Variants in VSIG10L observed in about 807,000 individuals in gnomAD.
VSIG10L encodes V-set and immunoglobulin domain containing 10 like, also known as V-set and immunoglobulin domain-containing protein 10-like.
VSIG10L carries 63 observed loss-of-function variants against 67.3 expected under a neutral mutation model. The ratio of observed to expected loss-of-function variants is 0.94; its 90% CI spans 0.76 to 1.15. The LOEUF is 1.15. VSIG10L is among the 50% of genes most tolerant of loss of function. The probability of loss-of-function intolerance (pLI) is 0.00; values close to 1 mark genes in which losing one functional copy is unlikely to be tolerated. For synonymous variants in VSIG10L, 499 were observed against 524.9 expected (o/e 0.95, Z 0.67); for missense variants, 1,050 against 1,177.5 (o/e 0.89, Z 1.58).
At chr19:51,339,910 T>C in intron 4 of VSIG10L, 105 bp downstream of exon 4, 1 of 915,912 alleles carries the variant, frequency 1.1e-6, no homozygotes, top group Non-Finnish European at 1.3e-6. Context: ...CACCCACCGG[T>C]ATGCTGCTCC....
Position 51,342,120 on chromosome 19 carries a change from T to A in VSIG10L, c.5A>T (p.Asp2Val). The change falls in exon 1 of 10, where the codon GAC becomes GTC. Residue 2 changes from aspartate (D) to valine (V), a missense_variant. By Grantham distance (152) the Asp-to-Val change is radical. Around this residue, in one of 3 missense-constraint regions of VSIG10L, gnomAD observed 511 missense variants for 557.9 expected, o/e 0.92. Coordinates refer to ENST00000335624, the MANE Select transcript of VSIG10L (RefSeq NM_001163922.3). This position sits in a 1 kb window ranked among gnomAD's most constrained non-coding sequence, Gnocchi z 4.4. Reference protein sequence around the residue: MDNPQALPLFLL... With the variant: MVNPQALPLFLL... ...GAAGAGTGGCAGAGCCTGTGGGTTG[T>A]CCATGGTGCTGGCCTCACTGAAAGG... 1.3e-6 allele frequency: 2 copies of A among 1,551,512 alleles called. No homozygotes were observed. Among genetic ancestry groups the A allele is most frequent in the South Asian group, 1.2e-5 (1 of 84,058 alleles).
At chr19:51,333,529 C>CA (rs1190779104) in intron 9 of VSIG10L, among the ~76,000 whole-genome samples, 13,901 of 117,176 alleles carry the variant, frequency 0.12, 715 homozygotes, top group Middle Eastern at 0.22. Context: ...ACTCTGTCTC[C>CA]AAAAAAAAAA....
chr19:51,333,020 T>G (rs1985395071), intron 9 of VSIG10L, among the ~76,000 whole-genome samples: 1 of 152,096 alleles, frequency 6.6e-6, no homozygotes, highest in Non-Finnish European at 1.5e-5. Context: ...CGACTAATTT[T>G]AAAATTTTTT....
Position 51,333,921 on chromosome 19 carries a change from T to A in VSIG10L, c.2444A>T (p.His815Leu). ...FRGKTPEKKKHPSTLVPVVTP... is the reference protein window; with the variant it reads ...FRGKTPEKKKLPSTLVPVVTP... ...GACCACGGGGACCAAGGTAGAAGGA[T>A]GCTTCTTTTTCTCAGGAGTCTTTCC... The change falls in exon 9 of 10, where the codon CAT becomes CTT. Residue 815 changes from histidine to leucine, a missense_variant. Physicochemically the swap from His to Leu is moderately conservative, Grantham distance 99. This residue lies in a region of VSIG10L where 529 missense variants were observed against 584.9 expected (regional missense o/e 0.90). Coordinates refer to ENST00000335624, the MANE Select transcript of VSIG10L (RefSeq NM_001163922.3). 3 of 1,551,538 alleles carry A rather than the reference T, an allele frequency of 1.9e-6. No individual in the cohort carries two copies. The highest frequency in any genetic ancestry group is 2.6e-6 in the Non-Finnish European group (3 of 1,146,966).
intron 9 of VSIG10L, among the ~76,000 whole-genome samples, chr19:51,333,425 T>G (rs1176856005): frequency 6.6e-6 from 1 of 151,564 alleles, no homozygotes; most frequent in Non-Finnish European, 1.5e-5. Flanking sequence ...GCTACTCAAG[T>G]GGCTGAGGCA....
At chr19:51,335,167 C>G (rs1255695250) in intron 7 of VSIG10L, among the ~76,000 whole-genome samples, 2 of 152,104 alleles carry the variant, frequency 1.3e-5, no homozygotes, top group African/African-American at 2.4e-5. Flanking sequence ...TCAACGAAGG[C>G]CAGCGTGGGT....
chr19:51,333,254 C>T (rs1023491387), intron 9 of VSIG10L, among the ~76,000 whole-genome samples: 1 of 152,118 alleles, frequency 6.6e-6, no homozygotes, highest in Non-Finnish European at 1.5e-5. Flanking sequence ...AGGGGCTGGG[C>T]GTAGTGGCTC....
rs1985531420 is a variant in VSIG10L at position 51,338,072 on chromosome 19, T to C, written c.1866A>G (p.Pro622=). Residue 622 remains proline (P), a synonymous_variant, in exon 6 of 10, where the codon CCA becomes CCG. Transcript: ENST00000335624. ...SWAREGRPLA[P]GGGSRLRLSQ... ...TGAGCCGCAGGCGACTCCCGCCTCC[T>C]GGAGCCAGGGGCCTCCCTTCCCGGG... 6.4e-7 allele frequency: 1 copy of C among 1,551,486 alleles called. No individual in the cohort carries two copies.
rs781627197 is a variant in VSIG10L at position 51,333,940 on chromosome 19, T to A, written c.2425A>T (p.Thr809Ser). 5.2e-6 allele frequency: 8 copies of A among 1,551,122 alleles called. No individual in the cohort carries two copies. In the South Asian group the frequency reaches 7.1e-5, roughly 14 times the overall value. ...GAAGGATGCTTCTTTTTCTCAGGAG[T>A]CTTTCCTGATTGAGAGGCAGAAGAG... is the stretch of plus-strand genomic sequence containing the variant. ...ICCLCRFRGK[T>S]PEKKKHPSTL... The change falls in exon 9 of 10, where the codon ACT becomes TCT. Residue 809 changes from threonine (T) to serine (S), a missense_variant. Physicochemically the swap from Thr to Ser is moderately conservative, Grantham distance 58. Around this residue, in one of 3 missense-constraint regions of VSIG10L, gnomAD observed 529 missense variants for 584.9 expected, o/e 0.90. Transcript: ENST00000335624.
chr19:51,340,130 C>T lies in VSIG10L; in HGVS notation c.1359G>A (p.Gly453=), dbSNP rs1985590209. 1.5e-6 allele frequency: 2 copies of T among 1,308,808 alleles called. No individual in the cohort carries two copies. The highest frequency in any genetic ancestry group is 3.1e-5 in the African/African-American group (2 of 64,636). The allele number at this position is 1,308,808 out of a possible 1,614,324, so 81.1% of individuals were successfully genotyped here. A position where few individuals can be genotyped will look rare whatever the true frequency, so the allele number is the denominator to read the frequency against. ...CGACCGCGGGCAGCAGGAGGCGCGA[C>T]CCCGCGGGCACCGCGGCCTCGGCCG... ...ADPAEAAVPA[G]SRLLLPAVGP... The change falls in exon 4 of 10, where the codon GGG becomes GGA. Residue 453 remains glycine, a synonymous_variant. Transcript: ENST00000335624. This position sits in a 1 kb window ranked among gnomAD's most constrained non-coding sequence, Gnocchi z 6.3.
rs753753190 is a variant in VSIG10L at position 51,334,289 on chromosome 19, T to A, written c.2321A>T (p.His774Leu). Residue 774 changes from histidine (H) to leucine (L), a missense_variant, in exon 8 of 10, where the codon CAT becomes CTT. Physicochemically the swap from His to Leu is moderately conservative, Grantham distance 99. This residue lies in a region of VSIG10L where 529 missense variants were observed against 584.9 expected (regional missense o/e 0.90). Transcript: ENST00000335624. ...CAGGACGATGCCAGCGATGGCCCCA[T>A]GGCTCAACGTGGGGCCTGGAAGAGA... The part of the protein sequence containing the change: ...RVYRAGPTLS[H>L]GAIAGIVLGS... 1.3e-6 allele frequency: 2 copies of A among 1,551,460 alleles called. No homozygotes were observed. Among genetic ancestry groups the A allele is most frequent in the Non-Finnish European group, 1.7e-6 (2 of 1,146,950 alleles).
rs1393917147 is a variant in VSIG10L, at chr19:51,339,031, T to C, written c.1586A>G (p.Gln529Arg). Residue 529 changes from glutamine (Q) to arginine (R), a missense_variant, in exon 5 of 10, where the codon CAG (glutamine) becomes CGG (arginine). Around this residue, in one of 3 missense-constraint regions of VSIG10L, gnomAD observed 529 missense variants for 584.9 expected, o/e 0.90. Coordinates refer to ENST00000335624, the MANE Select transcript of VSIG10L (RefSeq NM_001163922.3). Reference sequence around the variant, plus strand: ...GGCGCGGATGCCTTCGGGGAGACCCTGGAACTGCAGGGAGGCAGCAGGGGC... The same window carrying C: ...GGCGCGGATGCCTTCGGGGAGACCCCGGAACTGCAGGGAGGCAGCAGGGGC... Reference protein sequence around the residue: ...GGAPAASLQFQGLPEGIRAGP... With the variant: ...GGAPAASLQFRGLPEGIRAGP... The C allele has an allele frequency of 2.2e-6, 3 of 1,380,438 alleles. No individual in the cohort carries two copies. The highest frequency in any genetic ancestry group is 2.8e-6 in the Non-Finnish European group (3 of 1,061,132). The allele number at this position is 1,380,438 out of a possible 1,614,324, so 85.5% of individuals were successfully genotyped here. A position where few individuals can be genotyped will look rare whatever the true frequency, so the allele number is the denominator to read the frequency against.
Position 51,338,339 on chromosome 19 carries a change from A to G in VSIG10L, c.1730-131T>C, listed in dbSNP as rs1411424504. ...TTGGCCACCTGAGAAAGAACTGCCA[A>G]TTTACTCACTCATTAGCTCATTCAT... On this transcript the variant is annotated intron_variant, in intron 5 of 9. Coordinates refer to ENST00000335624, the MANE Select transcript of VSIG10L (RefSeq NM_001163922.3). The G allele has an allele frequency of 6.3e-5, 59 of 936,346 alleles. No individual in the cohort carries two copies. The Admixed American group carries it at 1.4e-3, about 22-fold the overall frequency. The allele number at this position is 936,346 out of a possible 1,614,324, so 58.0% of individuals were successfully genotyped here. A position where few individuals can be genotyped will look rare whatever the true frequency, so the allele number is the denominator to read the frequency against.
In VSIG10L at chr19:51,340,789, G is replaced by C; in HGVS notation, c.896-63C>G. 1 of 1,417,708 alleles carries C rather than the reference G, an allele frequency of 7.1e-7. No homozygotes were observed. Among genetic ancestry groups the C allele is most frequent in the South Asian group, 1.5e-5 (1 of 66,112 alleles). 87.8% of individuals were successfully genotyped at this position (1,417,708 alleles called of 1,614,324 possible). ...CTGGAGCCCATCTTTGGTCCCCTTAGAGGGAACCCCAGCCGCTGCTCCCTC... is the reference window on the plus strand; with the variant it reads ...CTGGAGCCCATCTTTGGTCCCCTTACAGGGAACCCCAGCCGCTGCTCCCTC... On this transcript the variant is annotated intron_variant, in intron 2 of 9. Coordinates refer to ENST00000335624, the MANE Select transcript of VSIG10L (RefSeq NM_001163922.3). This position sits in a 1 kb window ranked among gnomAD's most constrained non-coding sequence, Gnocchi z 6.3.
Position 51,340,359 on chromosome 19 carries a change from T to A in VSIG10L, c.1190-60A>T. On this transcript the variant is annotated intron_variant, in intron 3 of 9. Transcript: ENST00000335624. The surrounding 1 kb of genome is among the most constrained non-coding windows in gnomAD (Gnocchi z 6.3). ...GGGTCACCTGGGACGCCGCTAGGACTCCCGGAGACTGGGTCCCCAGCCCGC... is the reference window on the plus strand; with the variant it reads ...GGGTCACCTGGGACGCCGCTAGGACACCCGGAGACTGGGTCCCCAGCCCGC... 6.8e-7 allele frequency: 1 copy of A among 1,463,522 alleles called. No homozygotes were observed. 90.7% of individuals were successfully genotyped at this position (1,463,522 alleles called of 1,614,324 possible). A position where few individuals can be genotyped will look rare whatever the true frequency, so the allele number is the denominator to read the frequency against.
Position 51,341,947 on chromosome 19 carries a change from G to A in VSIG10L, c.101C>T (p.Ser34Phe), listed in dbSNP as rs1276780294. ...CTTTGAGTCTGAAGAGAAGGCAGAG[G>A]AGAAGTTGGTTTGCTGAAGTCCAGA... ...ASSGLQQTNF[S>F]SAFSSDSKSS... Residue 34 changes from serine (S) to phenylalanine (F), a missense_variant, in exon 2 of 10, where the codon TCC becomes TTC. By Grantham distance (155) the Ser-to-Phe change is radical. This residue lies in a region of VSIG10L where 511 missense variants were observed against 557.9 expected (regional missense o/e 0.92). Coordinates refer to ENST00000335624, the MANE Select transcript of VSIG10L (RefSeq NM_001163922.3). 1.9e-6 allele frequency: 3 copies of A among 1,551,566 alleles called. No homozygotes were observed. The highest frequency in any genetic ancestry group is 2.7e-5 in the African/African-American group (2 of 73,036).
chr19:51,340,727 C>A lies in VSIG10L; in HGVS notation c.896-1G>T. 5 of 1,488,698 alleles carry A rather than the reference C, an allele frequency of 3.4e-6. No individual in the cohort carries two copies. The highest frequency in any genetic ancestry group is 4.5e-6 in the Non-Finnish European group (5 of 1,122,074). The allele number at this position is 1,488,698 out of a possible 1,614,324, so 92.2% of individuals were successfully genotyped here. A position where few individuals can be genotyped will look rare whatever the true frequency, so the allele number is the denominator to read the frequency against. The stretch of plus-strand genomic sequence containing the variant: ...TGAACCGACAGCTGGGGTAGGGGCT[C>A]TGGGAGAGGGAGAATGGGCTCAGGA... On this transcript the variant is annotated splice_acceptor_variant, in intron 2 of 9. Transcript: ENST00000335624. LOFTEE classifies it high-confidence loss of function. This position sits in a 1 kb window ranked among gnomAD's most constrained non-coding sequence, Gnocchi z 6.3.
rs1268420589 is a variant in VSIG10L at position 51,338,960 on chromosome 19, G to A, written c.1657C>T (p.Arg553Trp). ...VLLAAVPAHP[R>W]LSGVPITCLA... ...CAGGTGATGGGGACGCCGCTGAGCCGGGGGTGGGCGGGGACGGCCGCCAGC... is the reference window on the plus strand; with the variant it reads ...CAGGTGATGGGGACGCCGCTGAGCCAGGGGTGGGCGGGGACGGCCGCCAGC... The change falls in exon 5 of 10, where the codon CGG becomes TGG. Residue 553 changes from arginine to tryptophan, a missense_variant. Physicochemically the swap from Arg to Trp is moderately radical, Grantham distance 101. Coordinates refer to ENST00000335624, the MANE Select transcript of VSIG10L (RefSeq NM_001163922.3). The A allele has an allele frequency of 2.8e-6, 4 of 1,420,742 alleles. No individual in the cohort carries two copies. The East Asian group carries it at 1.2e-4, about 43-fold the overall frequency. The allele number at this position is 1,420,742 out of a possible 1,614,324, so 88.0% of individuals were successfully genotyped here. A position where few individuals can be genotyped will look rare whatever the true frequency, so the allele number is the denominator to read the frequency against.
intron 7 of VSIG10L, 134 bp from the exon 8 acceptor site, chr19:51,334,438 A>G: frequency 1.5e-6 from 1 of 676,030 alleles, no homozygotes; most frequent in Non-Finnish European, 2.5e-6. Flanking sequence ...GAACCCAGGA[A>G]TGTGGGACCC....
Sources: allele counts gnomAD v4.1 joint callset (sites outside exome capture counted in the v4.1 genomes callset), GRCh38; gene constraint gnomAD v4.1.1; regional missense constraint gnomAD v4.1.1; non-coding constraint Gnocchi (gnomAD v3.1); transcripts MANE v1.5; gene names NCBI Gene and HGNC (gene_info 2026-07-23, HGNC 2026-07-21).